C10orf90: variants seen among roughly 807,000 people sequenced by gnomAD.
The protein encoded by C10orf90 is chromosome 10 open reading frame 90.
In C10orf90, 56 loss-of-function variants were observed where a neutral mutation model predicts 62.5. The ratio of observed to expected loss-of-function variants is 0.90; its 90% CI spans 0.72 to 1.12. The LOEUF is 1.12. C10orf90 is among the 50% of genes most tolerant of loss of function. C10orf90 has a pLI of 0.00. For missense variants in C10orf90, 970 were observed against 880.4 expected (o/e 1.10, Z -1.29); for synonymous variants, 386 against 340.4 (o/e 1.13, Z -1.47).
chr10:126,562,494 C>T (rs924520516), intron 2 of C10orf90, among the ~76,000 whole-genome samples: 1 of 152,202 alleles, frequency 6.6e-6, no homozygotes, highest in African/African-American at 2.4e-5. Context: ...AGCTGGAAAT[C>T]CAGTCTCCAT....
In C10orf90 at chr10:126,670,690, G is replaced by A. The variant is rs1424120126; in HGVS notation, c.-210C>T. Among the ~76,000 whole-genome samples the A allele has an allele frequency of 3.6e-5, 3 of 83,348 alleles. No homozygotes were observed. Among genetic ancestry groups the A allele is most frequent in the African/African-American group, 9.8e-5 (2 of 20,332 alleles). The allele number at this position is 83,348 out of a possible 152,430, so 54.7% of individuals were successfully genotyped here. ...TGGGAACCTCAGGGGTGACCTTTAC[G>A]TGCCAAAAAAAAAAAAAAAAAAAAA... On this transcript the variant is annotated 5_prime_UTR_variant, in exon 1 of 10. The change creates a new upstream start codon in the 5' untranslated region. Transcript: ENST00000488181.
chr10:126,565,517 A>G (rs1844364800), intron 2 of C10orf90, among the ~76,000 whole-genome samples: 1 of 142,388 alleles, frequency 7.0e-6, no homozygotes. Flanking sequence ...CACTTGTAGA[A>G]CACCGAGCTC....
At position 126,592,282 on chromosome 10, in the gene C10orf90, C is replaced by T. The variant is rs147310360; in HGVS notation, c.313+54283G>A. Among the ~76,000 whole-genome samples the T allele has an allele frequency of 3.3e-3, 496 of 152,254 alleles. 3 individuals are homozygous for T. The highest frequency in any genetic ancestry group is 0.012 in the African/African-American group (483 of 41,542). ...AGAAAAAGCTGGAGGCATCACACTA[C>T]CCAACTTCAAACTATATAAGGCTAC... On this transcript the variant is annotated intron_variant, in intron 2 of 9. Transcript: ENST00000488181.
intron 1 of C10orf90, among the ~76,000 whole-genome samples, chr10:126,651,475 CA>C (rs397977322): frequency 6.6e-6 from 1 of 151,710 alleles, no homozygotes; most frequent in Non-Finnish European, 1.5e-5. Context: ...TTTTAAAATC[CA>C]AAAAAAATTA....
intron 7 of C10orf90, among the ~76,000 whole-genome samples, chr10:126,445,126 A>G (rs954931313): frequency 3.9e-5 from 6 of 152,152 alleles, no homozygotes; most frequent in African/African-American, 1.4e-4. Context: ...TTCATGACCA[A>G]GAACCCAAAA....
At chr10:126,600,104 C>T (rs1028234406) in intron 2 of C10orf90, among the ~76,000 whole-genome samples, 3 of 149,630 alleles carry the variant, frequency 2.0e-5, no homozygotes, top group Non-Finnish European at 4.4e-5. Context: ...TGCTTGTGTG[C>T]GTGCATGCGT....
intron 4 of C10orf90, among the ~76,000 whole-genome samples, chr10:126,487,714 T>C (rs1402332586): frequency 1.3e-5 from 2 of 152,116 alleles, no homozygotes; most frequent in Admixed American, 1.3e-4. Context: ...ATATGTACTT[T>C]AGGAAGGTAA....
Position 126,630,478 on chromosome 10 carries a change from G to A in C10orf90, c.313+16087C>T, listed in dbSNP as rs1177854523. The stretch of plus-strand genomic sequence containing the variant: ...CTTGGCGATGGTGGGGTCGGGAACG[G>A]GGAGAAGAGCGCAGAGTGGGGGCAG... On this transcript the variant is annotated intron_variant, in intron 2 of 9. Coordinates refer to ENST00000488181, the MANE Select transcript of C10orf90 (RefSeq NM_001350921.2). 2.0e-5 allele frequency among the ~76,000 whole-genome samples: 3 copies of A among 152,230 alleles called. No individual in the cohort carries two copies. The East Asian group carries it at 5.8e-4, about 29-fold the overall frequency.
intron 4 of C10orf90, among the ~76,000 whole-genome samples, chr10:126,488,626 G>A (rs1332886596): frequency 6.6e-6 from 1 of 151,816 alleles, no homozygotes; most frequent in Non-Finnish European, 1.5e-5. Context: ...GACTGATAAG[G>A]GCAAAAGAAA....
At chr10:126,661,181 C>T (rs1352195393) in intron 1 of C10orf90, among the ~76,000 whole-genome samples, 1 of 152,134 alleles carries the variant, frequency 6.6e-6, no homozygotes, top group African/African-American at 2.4e-5. Context: ...TGCCTGCACC[C>T]AGGGGCCACG....
intron 2 of C10orf90, among the ~76,000 whole-genome samples, chr10:126,642,263 T>G (rs1212297623): frequency 6.6e-6 from 1 of 152,182 alleles, no homozygotes; most frequent in South Asian, 2.1e-4. Flanking sequence ...CTGGGTGCGG[T>G]GGCTCACGCT....
chr10:126,594,494 A>G (rs1845045000), intron 2 of C10orf90, among the ~76,000 whole-genome samples: 1 of 152,058 alleles, frequency 6.6e-6, no homozygotes, highest in East Asian at 1.9e-4. Flanking sequence ...ACCTACACCA[A>G]CCTCTGTTCT....
At chr10:126,574,633 T>C (rs10219000) in intron 2 of C10orf90, among the ~76,000 whole-genome samples, 64,228 of 151,864 alleles carry the variant, frequency 0.42, 13,915 homozygotes, top group Middle Eastern at 0.5. Context: ...CAATGCAATA[T>C]ACAACATTAA....
intron 1 of C10orf90, among the ~76,000 whole-genome samples, chr10:126,649,087 A>C (rs1846240420): frequency 9.8e-6 from 1 of 102,252 alleles, no homozygotes; most frequent in African/African-American, 4.0e-5. Context: ...CCCCCCAGCA[A>C]TTCACAATGG....
rs1269410925 is a variant in C10orf90 at position 126,453,578 on chromosome 10, C to T, written c.2188+5462G>A. On this transcript the variant is annotated intron_variant, in intron 7 of 9. Coordinates refer to ENST00000488181, the MANE Select transcript of C10orf90 (RefSeq NM_001350921.2). The surrounding 1 kb of genome is among the most constrained non-coding windows in gnomAD (Gnocchi z 4.9). ...ATGGAAGAGGACCCGGACAGGCGTC[C>T]TCAGAGGGGGAAATGAGCTGAGAAC... Among the ~76,000 whole-genome samples the T allele has an allele frequency of 6.6e-6, 1 of 152,134 alleles. No homozygotes were observed. The highest frequency in any genetic ancestry group is 1.5e-5 in the Non-Finnish European group (1 of 68,036).
chr10:126,429,984 A>T, intron 7 of C10orf90, 134 bp from the exon 8 acceptor site: 1 of 757,762 alleles, frequency 1.3e-6, no homozygotes, highest in Admixed American at 2.3e-5. Flanking sequence ...AGCAGAACTC[A>T]GTAGAGACTG....
At chr10:126,607,928 T>C (rs1338097909) in intron 2 of C10orf90, among the ~76,000 whole-genome samples, 1 of 152,184 alleles carries the variant, frequency 6.6e-6, no homozygotes, top group Non-Finnish European at 1.5e-5. Flanking sequence ...ATGAAGTACT[T>C]AGAATAGTGA....
rs1246118186 is a variant in C10orf90 at position 126,623,155 on chromosome 10, C to T, written c.313+23410G>A. Among the ~76,000 whole-genome samples the T allele has an allele frequency of 3.3e-5, 5 of 152,088 alleles. No homozygotes were observed. In the East Asian group the frequency reaches 9.7e-4, roughly 30 times the overall value. On this transcript the variant is annotated intron_variant, in intron 2 of 9. Transcript: ENST00000488181. ...ACTTCAGAGGAGTGTTTTAAAAACC[C>T]AAGTCAGAGCAAGGCTTTCCCTGCT...
chr10:126,440,056 C>T (rs1858206064), intron 7 of C10orf90, among the ~76,000 whole-genome samples: 1 of 152,184 alleles, frequency 6.6e-6, no homozygotes, highest in Admixed American at 6.5e-5. Flanking sequence ...AGCCTCCTGG[C>T]AGGAATTCAG....
Sources: gnomAD v4.1 joint callset for allele counts (sites outside exome capture counted in the v4.1 genomes callset) on GRCh38, gnomAD v4.1.1 for gene constraint, Gnocchi (gnomAD v3.1) non-coding constraint, MANE v1.5 for transcripts, NCBI Gene and HGNC (gene_info 2026-07-23, HGNC 2026-07-21) for gene names.